The following TBC1D8B variants were observed in gnomAD, a reference collection of about 807,000 sequenced individuals.
TBC1D8B encodes RP11-321G1.1.
Under a neutral mutation model 82.9 loss-of-function variants are expected in TBC1D8B, and 75 were observed. The ratio of observed to expected loss-of-function variants is 0.90; its 90% CI spans 0.75 to 1.10. The LOEUF (loss-of-function observed/expected upper bound fraction) is 1.10, where lower values mean the gene tolerates loss of function less well. Among genes scored for constraint, TBC1D8B ranks in the 50% least tolerant of loss-of-function variants. The pLI is 0.00. For synonymous variants in TBC1D8B, 276 were observed against 276.8 expected, an observed-to-expected ratio of 1.00 and a Z score of 0.03; for missense variants, 794 against 796.9, an observed-to-expected ratio of 1.00 and a Z score of 0.04.
At chrX:106,815,306 C>T (rs1931509125) in intron 1 of TBC1D8B, 1 of 111,624 alleles carries the variant, frequency 9.0e-6, no homozygotes, top group Admixed American at 9.5e-5. Flanking sequence ...GATAGGGAAT[C>T]CTTTCCCCAT....
At chrX:106,872,070 T>C (rs927307690) in intron 20 of TBC1D8B, among the ~76,000 whole-genome samples, 5 of 110,278 alleles carry the variant, frequency 4.5e-5, no homozygotes, top group African/African-American at 1.7e-4. Context: ...GATGTCAGCA[T>C]TCCTTCCCCT....
At position 106,840,064 on chromosome X, in the gene TBC1D8B, A is replaced by G; in HGVS notation, c.1370A>G (p.Lys457Arg). The G allele has an allele frequency of 8.4e-7, 1 of 1,196,158 alleles. No homozygotes were observed. The highest frequency in any genetic ancestry group is 1.9e-5 in the South Asian group (1 of 53,233). The change falls in exon 9 of 21, where the codon AAG becomes AGG. Residue 457 changes from lysine (K) to arginine (R), a missense_variant. By Grantham distance (26) the Lys-to-Arg change is conservative. Transcript: ENST00000357242. ...LNSKMLKEKM[K>R]EQSWKILFAE... ...TCATTACAGTTGAAAGAAAAAATGA[A>G]GGAACAGTCATGGAAAATACTGTTT...
In TBC1D8B at chrX:106,853,051, T is replaced by C. The variant is rs781343450; in HGVS notation, c.2124-470T>C. Among the ~76,000 whole-genome samples the C allele has an allele frequency of 2.3e-3, 258 of 111,324 alleles. 3 individuals carry two copies. The highest frequency in any genetic ancestry group is 8.0e-3 in the African/African-American group (244 of 30,647). ...TTTCATGATATTGATTCTTCCTACC[T>C]ATGAGCATGGAATGTTCTTCTATTT... is the stretch of plus-strand genomic sequence containing the variant. On this transcript the variant is annotated intron_variant, in intron 12 of 20. Coordinates refer to ENST00000357242, the MANE Select transcript of TBC1D8B (RefSeq NM_017752.3).
chrX:106,824,939 T>TTAGCG lies in TBC1D8B; in HGVS notation c.828-1088_828-1084dup, dbSNP rs1432830422. Reference sequence around the variant, plus strand: ...AGAAGCACAGTAATGATAGTTAAGTTTAGCGTATATCCTTCTAGGCTTTTT... The same window carrying TTAGCG: ...AGAAGCACAGTAATGATAGTTAAGTTTAGCGTAGCGTATATCCTTCTAGGCTTTTT... On this transcript the variant is annotated intron_variant, in intron 5 of 20. Coordinates refer to ENST00000357242, the MANE Select transcript of TBC1D8B (RefSeq NM_017752.3). 2.0e-3 allele frequency among the ~76,000 whole-genome samples: 227 copies of TTAGCG among 111,879 alleles called. 2 individuals are homozygous for TTAGCG. Among genetic ancestry groups the TTAGCG allele is most frequent in the African/African-American group, 7.2e-3 (222 of 30,947 alleles).
chrX:106,838,832 T>C (rs1283240066), intron 7 of TBC1D8B, among the ~76,000 whole-genome samples: 1 of 111,410 alleles, frequency 9.0e-6, no homozygotes, highest in Non-Finnish European at 1.9e-5. Flanking sequence ...AGTTGCAAGT[T>C]TGGTCAAATA....
intron 19 of TBC1D8B, among the ~76,000 whole-genome samples, chrX:106,870,113 C>G (rs964745208): frequency 8.9e-6 from 1 of 112,106 alleles, no homozygotes; most frequent in Non-Finnish European, 1.9e-5. Flanking sequence ...TCACTGCAAC[C>G]TCTGCCTCCT....
intron 20 of TBC1D8B, among the ~76,000 whole-genome samples, chrX:106,871,025 T>G (rs971576337): frequency 8.9e-6 from 1 of 111,789 alleles, no homozygotes; most frequent in Non-Finnish European, 1.9e-5. Context: ...TTTCAGAGAA[T>G]TCTTCTGCTG....
chrX:106,802,870 AG>A lies in TBC1D8B; in HGVS notation c.19del (p.Glu7LysfsTer4), dbSNP rs1931069279. The stretch of plus-strand genomic sequence containing the variant: ...AAGTTCGCGATGTGGCTGAAGCCTG[AG>A]GAAGTGCTTCTGAAAAATGCGCTGA... MWLKP[E>X]EVLLKNALKL... On this transcript the variant is annotated frameshift_variant, in exon 1 of 21. Transcript: ENST00000357242. LOFTEE classifies it high-confidence loss of function. The A allele has an allele frequency of 8.3e-6, 10 of 1,211,053 alleles. No individual in the cohort carries two copies. The highest frequency in any genetic ancestry group is 1.1e-5 in the Non-Finnish European group (10 of 895,205).
chrX:106,812,790 G>A (rs1188948380), intron 1 of TBC1D8B, among the ~76,000 whole-genome samples: 2 of 111,820 alleles, frequency 1.8e-5, no homozygotes, highest in Admixed American at 1.9e-4. Context: ...AGATCAATGT[G>A]CTCAATATTG....
chrX:106,831,564 C>T (rs1311996743), intron 7 of TBC1D8B, among the ~76,000 whole-genome samples: 1 of 111,678 alleles, frequency 9.0e-6, no homozygotes, highest in East Asian at 2.8e-4. Flanking sequence ...ACATTCAGTC[C>T]ACGTGTTAGC....
At chrX:106,863,616 A>G (rs1188562626) in intron 14 of TBC1D8B, among the ~76,000 whole-genome samples, 2 of 111,369 alleles carry the variant, frequency 1.8e-5, no homozygotes, top group African/African-American at 6.5e-5. Context: ...GTGTCACCTA[A>G]TCTGCTGTCC....
Position 106,850,288 on chromosome X carries a change from G to A in TBC1D8B, c.2101G>A (p.Glu701Lys). The change falls in exon 12 of 21, where the codon GAA becomes AAA. Residue 701 changes from glutamate (E) to lysine (K), a missense_variant. Physicochemically the swap from Glu to Lys is moderately conservative, Grantham distance 56 (BLOSUM62 1). Coordinates refer to ENST00000357242, the MANE Select transcript of TBC1D8B (RefSeq NM_017752.3). ...DKLLTCKDDA[E>K]AVTALNRFFD... ...ACTGCTGACTTGTAAAGATGATGCT[G>A]AAGCTGTGACAGCCTTAAACAGGTA... 2 of 1,206,020 alleles carry A rather than the reference G, an allele frequency of 1.7e-6. No homozygotes were observed. The highest frequency in any genetic ancestry group is 2.2e-6 in the Non-Finnish European group (2 of 893,111).
intron 14 of TBC1D8B, among the ~76,000 whole-genome samples, chrX:106,858,318 G>A (rs1459523748): frequency 8.9e-6 from 1 of 111,799 alleles, no homozygotes; most frequent in African/African-American, 3.3e-5. Flanking sequence ...TGTCACCCAG[G>A]CTGGAGTGCA....
chrX:106,840,113 T>C lies in TBC1D8B; in HGVS notation c.1419T>C (p.Ser473=). 2 of 1,210,191 alleles carry C rather than the reference T, an allele frequency of 1.7e-6. No homozygotes were observed. The highest frequency in any genetic ancestry group is 3.5e-5 in the African/African-American group (2 of 57,809). The change falls in exon 9 of 21, where the codon AGT becomes AGC. Residue 473 remains serine, a synonymous_variant. Coordinates refer to ENST00000357242, the MANE Select transcript of TBC1D8B (RefSeq NM_017752.3). The stretch of plus-strand genomic sequence containing the variant: ...TTGCAGAATGTGGACGTGGTGTTAG[T>C]ATGTTTCGAACCAAAAAGACTCGAG... ...ILFAECGRGV[S]MFRTKKTRDL... is the part of the protein sequence containing the mutation.
At position 106,848,168 on chromosome X, in the gene TBC1D8B, GT is replaced by G; in HGVS notation, c.1720-14del. On this transcript the variant is annotated splice_polypyrimidine_tract_variant and intron_variant, in intron 10 of 20. Coordinates refer to ENST00000357242, the MANE Select transcript of TBC1D8B (RefSeq NM_017752.3). ...TGAGCAATATTTGCTTTTTAATACT[GT>G]TTTCTATGAATTTTAGGCAATGAAT... 1.8e-6 allele frequency: 2 copies of G among 1,115,025 alleles called. No individual in the cohort carries two copies. Among genetic ancestry groups the G allele is most frequent in the Non-Finnish European group, 2.4e-6 (2 of 825,034 alleles). The allele number at this position is 1,115,025 out of a possible 1,213,427, so 91.9% of individuals were successfully genotyped here.
chrX:106,859,224 A>C (rs1733752941), intron 14 of TBC1D8B, among the ~76,000 whole-genome samples: 1 of 111,904 alleles, frequency 8.9e-6, no homozygotes, highest in African/African-American at 3.3e-5. Context: ...TTTCTAGAAT[A>C]GTTTTTTCTA....
chrX:106,810,620 C>A (rs1288203194), intron 1 of TBC1D8B, among the ~76,000 whole-genome samples: 2 of 111,728 alleles, frequency 1.8e-5, no homozygotes, highest in Non-Finnish European at 3.8e-5. Context: ...TGAGCCAGAA[C>A]AATTAAGTAA....
intron 1 of TBC1D8B, among the ~76,000 whole-genome samples, chrX:106,806,902 CTG>C (rs1336549396): frequency 9.0e-6 from 1 of 111,471 alleles, no homozygotes; most frequent in Non-Finnish European, 1.9e-5. Context: ...GAGCAAATCA[CTG>C]TGTAAACAAT....
At chrX:106,857,432 C>T (rs1932720371) in intron 14 of TBC1D8B, among the ~76,000 whole-genome samples, 1 of 111,994 alleles carries the variant, frequency 8.9e-6, no homozygotes, top group Non-Finnish European at 1.9e-5. Flanking sequence ...GGTTTGCAGG[C>T]ATGGCCACCA....
Sources: allele counts gnomAD v4.1 joint callset (sites outside exome capture counted in the v4.1 genomes callset), GRCh38; gene constraint gnomAD v4.1.1; transcripts MANE v1.5; gene names NCBI Gene and HGNC (gene_info 2026-07-23, HGNC 2026-07-21).